AKAP7: variants seen among roughly 807,000 people sequenced by gnomAD.
The protein encoded by AKAP7 is A kinase (PRKA) anchor protein 7.
Under a neutral mutation model 39.5 loss-of-function variants are expected in AKAP7, and 39 were observed. That is an observed-to-expected ratio of 0.99 (90% CI 0.76 to 1.29). The LOEUF is 1.29. Among genes scored for constraint, AKAP7 ranks in the 50% most tolerant of loss-of-function variants. The pLI is 0.00. For synonymous variants in AKAP7, 140 were observed against 139.1 expected, an observed-to-expected ratio of 1.01 and a Z score of -0.05; for missense variants, 414 against 407.7, an observed-to-expected ratio of 1.02 and a Z score of -0.13.
intron 7 of AKAP7, among the ~76,000 whole-genome samples, chr6:131,263,338 GCTT>G (rs1813516349): frequency 6.6e-6 from 1 of 152,080 alleles, no homozygotes; most frequent in Non-Finnish European, 1.5e-5. Context: ...ACTCTCTCTG[GCTT>G]CACTCAGTGA....
chr6:131,170,873 T>C (rs113575153), intron 5 of AKAP7, among the ~76,000 whole-genome samples: 1 of 152,218 alleles, frequency 6.6e-6, no homozygotes, highest in African/African-American at 2.4e-5. Flanking sequence ...TCCATTCAGA[T>C]GTATCAGAAG....
At chr6:131,212,119 A>G (rs1444370105) in intron 6 of AKAP7, among the ~76,000 whole-genome samples, 1 of 152,228 alleles carries the variant, frequency 6.6e-6, no homozygotes, top group East Asian at 1.9e-4. Flanking sequence ...GTTCTACTGA[A>G]TGCATGTTGC....
At chr6:131,257,249 A>G (rs921035426) in intron 7 of AKAP7, among the ~76,000 whole-genome samples, 1 of 151,894 alleles carries the variant, frequency 6.6e-6, no homozygotes, top group Non-Finnish European at 1.5e-5. Flanking sequence ...CTTGGGCAAC[A>G]TGGCAAAAAT....
intron 7 of AKAP7, among the ~76,000 whole-genome samples, chr6:131,243,798 C>T (rs1356791439): frequency 6.6e-6 from 1 of 152,144 alleles, no homozygotes; most frequent in African/African-American, 2.4e-5. Flanking sequence ...CTGTTGTTTA[C>T]ATTGTTAAAC....
the AKAP7 span, among the ~76,000 whole-genome samples, chr6:131,128,141 T>C: frequency 2.6e-5 from 4 of 152,186 alleles, no homozygotes; most frequent in African/African-American, 7.2e-5. Context: ...TATAAAAACC[T>C]GCACATGTAC....
At chr6:131,256,755 G>T (rs1812895780) in intron 7 of AKAP7, among the ~76,000 whole-genome samples, 1 of 145,100 alleles carries the variant, frequency 6.9e-6, no homozygotes, top group African/African-American at 2.4e-5. Flanking sequence ...GCCCAAGCAG[G>T]TCTCAAACTC....
chr6:131,147,120 A>T (rs779182905), intron 2 of AKAP7, among the ~76,000 whole-genome samples: 49 of 152,356 alleles, frequency 3.2e-4, no homozygotes, highest in Non-Finnish European at 6.2e-4. Flanking sequence ...TGAACTATTC[A>T]GTGCTCTTGA....
At chr6:131,129,843 T>C in the AKAP7 span, among the ~76,000 whole-genome samples, 1 of 152,240 alleles carries the variant, frequency 6.6e-6, no homozygotes, top group Non-Finnish European at 1.5e-5. Context: ...CCGTGTCTTG[T>C]AGAACTGCAT....
chr6:131,207,491 ATTTTTTTTTTT>A (rs531582478), intron 6 of AKAP7, among the ~76,000 whole-genome samples: 15 of 78,806 alleles, frequency 1.9e-4, no homozygotes, highest in Non-Finnish European at 2.8e-4. Flanking sequence ...GCTAATTAAA[ATTTTTTTTTTT>A]TTTTTTTTTT....
At chr6:131,214,556 T>C (rs1458514393) in intron 6 of AKAP7, among the ~76,000 whole-genome samples, 2 of 152,228 alleles carry the variant, frequency 1.3e-5, no homozygotes, top group Non-Finnish European at 2.9e-5. Context: ...TTTGGAATAT[T>C]AACAGTATAA....
At chr6:131,262,409 G>T (rs186448156) in intron 7 of AKAP7, among the ~76,000 whole-genome samples, 1 of 152,188 alleles carries the variant, frequency 6.6e-6, no homozygotes, top group Admixed American at 6.5e-5. Flanking sequence ...TTAATAACTG[G>T]CACATCGTTG....
At chr6:131,280,984 T>TA (rs1815150576) in intron 7 of AKAP7, among the ~76,000 whole-genome samples, 1 of 152,212 alleles carries the variant, frequency 6.6e-6, no homozygotes, top group South Asian at 2.1e-4. Context: ...ATATTAGTCT[T>TA]ACAAGCTTAC....
chr6:131,145,356 A>G lies in AKAP7; in HGVS notation c.91A>G (p.Thr31Ala), dbSNP rs756678433. The G allele has an allele frequency of 5.1e-6, 8 of 1,571,392 alleles. No individual in the cohort carries two copies. In the Admixed American group the frequency reaches 5.4e-5, roughly 11 times the overall value. ...KKMSEEFEANTMDSLVDMPFA... is the reference protein window; with the variant it reads ...KKMSEEFEANAMDSLVDMPFA... ...AATGTCAGAGGAATTTGAAGCCAAT[A>G]CTATGGATTCTCTGGTAGACATGCC... The change falls in exon 2 of 8, where the codon ACT becomes GCT. Residue 31 changes from threonine (T) to alanine (A), a missense_variant. Transcript: ENST00000431975.
chr6:131,282,287 C>A lies in AKAP7; in HGVS notation c.*561C>A, dbSNP rs1229235696. 11 of 1,350,392 alleles carry A rather than the reference C, an allele frequency of 8.1e-6. No homozygotes were observed. Among genetic ancestry groups the A allele is most frequent in the Non-Finnish European group, 1.0e-5 (11 of 1,055,456 alleles). The allele number at this position is 1,350,392 out of a possible 1,614,324, so 83.7% of individuals were successfully genotyped here. On this transcript the variant is annotated 3_prime_UTR_variant, in exon 8 of 8. Transcript: ENST00000431975. ...TAAATGATATATTTTTGGTGAAATG[C>A]AACCTTTTCTATAAAATGTGGGCAA...
chr6:131,127,180 G>A, the AKAP7 span, among the ~76,000 whole-genome samples: 68,555 of 151,738 alleles, frequency 0.45, 17,064 homozygotes, highest in Non-Finnish European at 0.56. Flanking sequence ...TGAGTAGCTG[G>A]GATTACAGGC....
intron 1 of AKAP7, among the ~76,000 whole-genome samples, chr6:131,136,379 G>C (rs1800543038): frequency 6.6e-6 from 1 of 152,188 alleles, no homozygotes; most frequent in Non-Finnish European, 1.5e-5. Context: ...AAACCAATTA[G>C]AGAAAAGGTG....
the AKAP7 span, among the ~76,000 whole-genome samples, chr6:131,128,852 A>G: frequency 2.0e-5 from 3 of 152,102 alleles, no homozygotes; most frequent in Admixed American, 6.6e-5. Context: ...AATAATTAAA[A>G]AATTTAAACT....
intron 2 of AKAP7, among the ~76,000 whole-genome samples, chr6:131,148,912 G>A (rs1305286931): frequency 2.6e-5 from 4 of 152,114 alleles, no homozygotes; most frequent in African/African-American, 9.7e-5. Flanking sequence ...AAATTCTCAG[G>A]TTGTTTGTTG....
chr6:131,189,266 TCAAA>T (rs996590295), intron 5 of AKAP7, among the ~76,000 whole-genome samples: 3 of 152,224 alleles, frequency 2.0e-5, no homozygotes, highest in African/African-American at 4.8e-5. Flanking sequence ...AATTGTAAAA[TCAAA>T]CAATCATAAA....
Sources: gnomAD v4.1 joint callset for allele counts (sites outside exome capture counted in the v4.1 genomes callset) on GRCh38, gnomAD v4.1.1 for gene constraint, MANE v1.5 for transcripts, NCBI Gene and HGNC (gene_info 2026-07-23, HGNC 2026-07-21) for gene names.